The following SAXO1 variants were observed in gnomAD, a reference collection of about 807,000 sequenced individuals.
The protein encoded by SAXO1 is 4930500O09Rik.
Under a neutral mutation model 17.5 loss-of-function variants are expected in SAXO1, and 21 were observed. The observed-to-expected ratio is 1.20, with a 90% CI of 0.85 to 1.72. SAXO1 has a LOEUF of 1.72. Ranked by LOEUF, SAXO1 falls within the 40% of genes most tolerant of loss-of-function variation. SAXO1 has a pLI of 0.00. For synonymous variants in SAXO1, 274 were observed against 216.5 expected (o/e 1.27, Z -2.33); for missense variants, 843 against 596.0 (o/e 1.41, Z -4.32).
intron 1 of SAXO1, among the ~76,000 whole-genome samples, chr9:18,961,579 C>A (rs940396333): frequency 6.6e-6 from 1 of 151,870 alleles, no homozygotes; most frequent in East Asian, 1.9e-4. Flanking sequence ...TGAGTGGGAA[C>A]ATGTGGTGTT....
chr9:19,012,531 G>A (rs1339460313), intron 1 of SAXO1, among the ~76,000 whole-genome samples: 1 of 152,206 alleles, frequency 6.6e-6, no homozygotes, highest in African/African-American at 2.4e-5. Flanking sequence ...ATGGGGGACG[G>A]TGGGCACAGA....
chr9:18,949,363 G>T (rs1313220801), intron 2 of SAXO1, among the ~76,000 whole-genome samples: 1 of 126,268 alleles, frequency 7.9e-6, no homozygotes, highest in Non-Finnish European at 1.9e-5. Context: ...AGACTGAGGG[G>T]CAAGGATCAC....
chr9:19,032,631 C>G (rs1554683830), intron 1 of SAXO1, among the ~76,000 whole-genome samples: 1 of 152,206 alleles, frequency 6.6e-6, no homozygotes, highest in Non-Finnish European at 1.5e-5. Flanking sequence ...CGCCCATTTT[C>G]AACCCTCCTG....
chr9:18,957,990 C>T (rs1017174798), intron 1 of SAXO1, among the ~76,000 whole-genome samples: 1 of 152,152 alleles, frequency 6.6e-6, no homozygotes, highest in Non-Finnish European at 1.5e-5. Flanking sequence ...TACTTTACAG[C>T]AATCTTGAGG....
chr9:18,977,131 C>T (rs1563957334), intron 1 of SAXO1, among the ~76,000 whole-genome samples: 1 of 152,322 alleles, frequency 6.6e-6, no homozygotes, highest in Admixed American at 6.5e-5. Context: ...GTTGCCTTCT[C>T]TTATAAACTG....
At chr9:19,028,382 A>T (rs1490060789) in intron 1 of SAXO1, among the ~76,000 whole-genome samples, 1 of 152,214 alleles carries the variant, frequency 6.6e-6, no homozygotes, top group Non-Finnish European at 1.5e-5. Flanking sequence ...TCTCAAAAAA[A>T]ATAAAAAATA....
At position 18,982,528 on chromosome 9, in the gene SAXO1, G is replaced by A. The variant is rs1012973899; in HGVS notation, c.39-31591C>T. Among the ~76,000 whole-genome samples, 4 of 152,284 alleles carry A rather than the reference G, an allele frequency of 2.6e-5. No individual in the cohort carries two copies. The South Asian group carries it at 8.3e-4, about 32-fold the overall frequency. On this transcript the variant is annotated intron_variant, in intron 1 of 3. Coordinates refer to ENST00000380534, the MANE Select transcript of SAXO1 (RefSeq NM_153707.4). ...GCTGCCTCCAGGGTCTTCTGTCACT[G>A]GATGACTTCCAACAGAGTCACCATG... is the stretch of plus-strand genomic sequence containing the variant.
At chr9:19,018,980 G>A (rs1835111771) in intron 1 of SAXO1, among the ~76,000 whole-genome samples, 2 of 151,862 alleles carry the variant, frequency 1.3e-5, no homozygotes, top group Admixed American at 1.3e-4. Flanking sequence ...TTGGTGGCGG[G>A]CACCTGTAAT....
rs929349841 is a variant in SAXO1, at chr9:19,028,897, C to G, written c.38+3974G>C. ...ACCACTTTCCTGAGCTCTGCTGGAC[C>G]CTAAACTCTAATTGCTCATTTTAGA... On this transcript the variant is annotated intron_variant, in intron 1 of 3. Transcript: ENST00000380534. Among the ~76,000 whole-genome samples the G allele has an allele frequency of 1.4e-4, 21 of 152,236 alleles. No homozygotes were observed. In the South Asian group the frequency reaches 1.9e-3, roughly 14 times the overall value.
At chr9:18,938,372 G>T (rs1267588578) in intron 3 of SAXO1, among the ~76,000 whole-genome samples, 1 of 152,098 alleles carries the variant, frequency 6.6e-6, no homozygotes, top group East Asian at 1.9e-4. Context: ...TTCTGGGGAG[G>T]CCTCAGGGAG....
chr9:18,961,960 G>A (rs368698052), intron 1 of SAXO1, among the ~76,000 whole-genome samples: 11 of 152,296 alleles, frequency 7.2e-5, no homozygotes, highest in African/African-American at 2.6e-4. Flanking sequence ...CACCAACAGT[G>A]TAAAAGCATT....
At chr9:18,960,980 T>C (rs1230115986) in intron 1 of SAXO1, among the ~76,000 whole-genome samples, 1 of 152,080 alleles carries the variant, frequency 6.6e-6, no homozygotes, top group Non-Finnish European at 1.5e-5. Flanking sequence ...TTCATCTTCA[T>C]AGGGACTTGG....
intron 1 of SAXO1, among the ~76,000 whole-genome samples, chr9:19,022,965 A>C (rs980246824): frequency 6.6e-6 from 1 of 152,180 alleles, no homozygotes; most frequent in East Asian, 1.9e-4. Context: ...ACAGCAACTT[A>C]ACCTTAGTGT....
At chr9:19,012,843 G>C (rs947776424) in intron 1 of SAXO1, among the ~76,000 whole-genome samples, 1 of 152,212 alleles carries the variant, frequency 6.6e-6, no homozygotes, top group East Asian at 1.9e-4. Flanking sequence ...GTATTAGCCA[G>C]GTTAATATTA....
intron 3 of SAXO1, among the ~76,000 whole-genome samples, chr9:18,937,540 G>A (rs1243931758): frequency 6.6e-6 from 1 of 152,192 alleles, no homozygotes; most frequent in Non-Finnish European, 1.5e-5. Context: ...TAGTCTGAAT[G>A]TGCCCCAAAA....
At chr9:18,974,297 G>A (rs568492145) in intron 1 of SAXO1, among the ~76,000 whole-genome samples, 156 of 152,228 alleles carry the variant, frequency 1.0e-3, no homozygotes, top group African/African-American at 3.7e-3. Flanking sequence ...TGAACTGATG[G>A]GTTTTTAATA....
At chr9:18,995,030 CT>C (rs1426711348) in intron 1 of SAXO1, among the ~76,000 whole-genome samples, 1 of 152,146 alleles carries the variant, frequency 6.6e-6, no homozygotes, top group African/African-American at 2.4e-5. Context: ...CTGAGTTTTT[CT>C]TTTTGAAATG....
intron 1 of SAXO1, among the ~76,000 whole-genome samples, chr9:18,958,458 G>T (rs1281443505): frequency 6.6e-6 from 1 of 151,972 alleles, no homozygotes; most frequent in East Asian, 1.9e-4. Context: ...CTTCTGACAA[G>T]GACTAACCCC....
chr9:19,045,126 A>C (rs200459244), intron 1 of SAXO1, among the ~76,000 whole-genome samples: 1 of 149,110 alleles, frequency 6.7e-6, no homozygotes, highest in African/African-American at 2.5e-5. Flanking sequence ...CTGGCTAACA[A>C]GGTGAAACCC....
Sources: allele counts gnomAD v4.1 joint callset (sites outside exome capture counted in the v4.1 genomes callset), GRCh38; gene constraint gnomAD v4.1.1; transcripts MANE v1.5; gene names NCBI Gene and HGNC (gene_info 2026-07-23, HGNC 2026-07-21).